The following BMPR1A variants were observed in gnomAD, a reference collection of about 807,000 sequenced individuals.
BMPR1A encodes bone morphogenetic protein receptor type-1A.
In BMPR1A, 7 loss-of-function variants were observed where a neutral mutation model predicts 66.0. The observed-to-expected ratio is 0.11, with a 90% confidence interval of 0.06 to 0.20. The LOEUF (loss-of-function observed/expected upper bound fraction) is 0.20, where lower values mean the gene tolerates loss of function less well. Ranked by LOEUF, BMPR1A falls within the 10% of genes least tolerant of loss-of-function variation. The probability of loss-of-function intolerance (pLI) is 1.00; values close to 1 mark genes in which losing one functional copy is unlikely to be tolerated. For synonymous variants in BMPR1A, 200 were observed against 229.7 expected (o/e 0.87, Z 1.17); for missense variants, 408 against 669.1 (o/e 0.61, Z 4.31).
downstream of BMPR1A, chr10:86,927,985 T>C (rs559129816): frequency 8.0e-4 from 143 of 177,886 alleles, no homozygotes; most frequent in African/African-American, 3.3e-3. Context: ...GTGATGTGTT[T>C]TGTGATGCTA....
intron 2 of BMPR1A, among the ~76,000 whole-genome samples, chr10:86,870,199 A>G (rs1223816418): frequency 1.3e-5 from 2 of 152,100 alleles, no homozygotes; most frequent in Non-Finnish European, 2.9e-5. Context: ...ACCGATTTGT[A>G]TGTTCAGCCC....
chr10:86,789,780 A>G (rs1265125350), intron 1 of BMPR1A, among the ~76,000 whole-genome samples: 1 of 151,938 alleles, frequency 6.6e-6, no homozygotes, highest in African/African-American at 2.4e-5. Context: ...AAAACAGGCA[A>G]AGGATTCAGA....
At chr10:86,884,994 C>A (rs1721997132) in intron 3 of BMPR1A, among the ~76,000 whole-genome samples, 2 of 152,152 alleles carry the variant, frequency 1.3e-5, no homozygotes, top group Non-Finnish European at 2.9e-5. Context: ...TTCACATATC[C>A]TATCAGATGT....
At chr10:86,928,178 T>G (rs1176097410), downstream of BMPR1A, 2 of 154,636 alleles carry the variant, frequency 1.3e-5, no homozygotes, top group African/African-American at 2.4e-5. Flanking sequence ...GGTGCAGGGG[T>G]TTTTCCTTTA....
At chr10:86,867,875 G>A (rs1469831699) in intron 2 of BMPR1A, among the ~76,000 whole-genome samples, 1 of 152,160 alleles carries the variant, frequency 6.6e-6, no homozygotes. Context: ...TGGCATAGAA[G>A]GAAAGTGAAG....
In BMPR1A at chr10:86,769,864, A is replaced by G. The variant is rs1589707068; in HGVS notation, c.-268+12945A>G. ...CCTATTTGAGCAAAGGATAAGGAAA[A>G]TTAGAAATCCCAGTGTGGATGGAGG... On this transcript the variant is annotated intron_variant, in intron 1 of 12. Coordinates refer to ENST00000372037, the MANE Select transcript of BMPR1A (RefSeq NM_004329.3). Among the ~76,000 whole-genome samples, 10 of 152,322 alleles carry G rather than the reference A, an allele frequency of 6.6e-5. No homozygotes were observed. In the South Asian group the frequency reaches 2.1e-3, roughly 32 times the overall value.
chr10:86,865,164 A>G (rs915578461), intron 2 of BMPR1A, among the ~76,000 whole-genome samples: 5 of 151,354 alleles, frequency 3.3e-5, no homozygotes, highest in African/African-American at 9.8e-5. Flanking sequence ...GCCCTGCCCC[A>G]CCTTAACTGA....
chr10:86,791,625 C>T (rs569355141), intron 1 of BMPR1A, among the ~76,000 whole-genome samples: 5 of 151,670 alleles, frequency 3.3e-5, no homozygotes, highest in Middle Eastern at 3.4e-3. Flanking sequence ...AAAAAAAAAG[C>T]CCTGTCCATC....
chr10:86,926,928 AGCTTTTACTGT>A lies in BMPR1A; in HGVS notation c.*3216_*3226del, dbSNP rs1843755302. The A allele has an allele frequency of 5.2e-6, 1 of 191,484 alleles. No individual in the cohort carries two copies. Among genetic ancestry groups the A allele is most frequent in the Non-Finnish European group, 1.1e-5 (1 of 91,646 alleles). 11.9% of individuals were successfully genotyped at this position (191,484 alleles called of 1,614,324 possible). On this transcript the variant is annotated 3_prime_UTR_variant, in exon 13 of 13. Coordinates refer to ENST00000372037, the MANE Select transcript of BMPR1A (RefSeq NM_004329.3). ...GGTTTCCTTCAGTTTGTTTATTCTA[AGCTTTTACTGT>A]GCTTTTTACTGAACAAGTTTCTGAT...
intron 8 of BMPR1A, among the ~76,000 whole-genome samples, chr10:86,914,124 A>C (rs965465111): frequency 1.3e-5 from 2 of 152,048 alleles, no homozygotes; most frequent in Admixed American, 1.3e-4. Flanking sequence ...GATTAAAAAA[A>C]AAAAAACAAA....
intron 2 of BMPR1A, among the ~76,000 whole-genome samples, chr10:86,866,857 T>A (rs1269774145): frequency 6.6e-6 from 1 of 152,188 alleles, no homozygotes; most frequent in Non-Finnish European, 1.5e-5. Context: ...ACTAGCTACA[T>A]GGAATTCAGC....
At chr10:86,760,372 GCCTCCCAGGTAGCTGGGACCAC>G (rs1841030349) in intron 1 of BMPR1A, among the ~76,000 whole-genome samples, 1 of 149,136 alleles carries the variant, frequency 6.7e-6, no homozygotes, top group Non-Finnish European at 1.5e-5. Flanking sequence ...TCCTGCCTCA[GCCTCCCAGGTAGCTGGGACCAC>G]GCCTGGCTAA....
At chr10:86,797,351 C>T (rs1340296568) in intron 1 of BMPR1A, among the ~76,000 whole-genome samples, 2 of 151,684 alleles carry the variant, frequency 1.3e-5, no homozygotes, top group Non-Finnish European at 2.9e-5. Flanking sequence ...CTGCCTCAGC[C>T]TCCTGAGTAG....
At chr10:86,920,861 T>C (rs1488144619) in intron 10 of BMPR1A, among the ~76,000 whole-genome samples, 8 of 148,366 alleles carry the variant, frequency 5.4e-5, no homozygotes, top group Middle Eastern at 3.4e-3. Context: ...CTTTTCTTTT[T>C]TTTTTTTTTT....
intron 1 of BMPR1A, among the ~76,000 whole-genome samples, chr10:86,831,986 A>G (rs1842274344): frequency 6.6e-6 from 1 of 152,190 alleles, no homozygotes; most frequent in Admixed American, 6.5e-5. Flanking sequence ...TTTTGTAAAG[A>G]TGATATACCT....
intron 5 of BMPR1A, among the ~76,000 whole-genome samples, chr10:86,898,467 G>A (rs751576900): frequency 4.3e-4 from 65 of 151,994 alleles, no homozygotes; most frequent in African/African-American, 1.4e-3. Context: ...GAATACAAAC[G>A]CATCGTAAGA....
downstream of BMPR1A, chr10:86,928,292 A>G (rs59643065): frequency 0.12 from 16,871 of 139,856 alleles, 1,024 homozygotes; most frequent in South Asian, 0.18. Flanking sequence ...GCACGATCTC[A>G]GCTCACTGCA....
intron 1 of BMPR1A, among the ~76,000 whole-genome samples, chr10:86,770,424 A>G (rs1416717262): frequency 6.6e-6 from 1 of 152,204 alleles, no homozygotes; most frequent in African/African-American, 2.4e-5. Context: ...AAACAAAACA[A>G]TACAACAAAT....
intron 2 of BMPR1A, among the ~76,000 whole-genome samples, chr10:86,860,334 AT>A (rs1842697177): frequency 6.6e-6 from 1 of 152,292 alleles, no homozygotes; most frequent in African/African-American, 2.4e-5. Flanking sequence ...AAGTTTTTAT[AT>A]ATCTGTAGAA....
Sources: gnomAD v4.1 joint callset for allele counts (sites outside exome capture counted in the v4.1 genomes callset) on GRCh38, gnomAD v4.1.1 for gene constraint, MANE v1.5 for transcripts, NCBI Gene and HGNC (gene_info 2026-07-23, HGNC 2026-07-21) for gene names.